ACTN2: variants seen among roughly 807,000 people sequenced by gnomAD.
ACTN2 encodes the protein actinin alpha 2.
In ACTN2, 39 loss-of-function variants were observed where a neutral mutation model predicts 113.8. That is an observed-to-expected ratio of 0.34 (90% CI 0.27 to 0.45). ACTN2 has a LOEUF of 0.45. ACTN2 is among the 20% of genes least tolerant of loss of function. The probability of loss-of-function intolerance (pLI) is 1.00; values close to 1 mark genes in which losing one functional copy is unlikely to be tolerated. For synonymous variants in ACTN2, 429 were observed against 444.1 expected (o/e 0.97, Z 0.43); for missense variants, 992 against 1,177.9 (o/e 0.84, Z 2.31).
intron 1 of ACTN2, among the ~76,000 whole-genome samples, chr1:236,690,961 G>A (rs1192918031): frequency 6.9e-6 from 1 of 144,060 alleles, no homozygotes; most frequent in Admixed American, 7.0e-5. Flanking sequence ...TTTTTGAGAC[G>A]GAGTCTTGCT....
At chr1:236,719,088 C>T in intron 3 of ACTN2, 75 bp downstream of exon 3, 1 of 1,592,978 alleles carries the variant, frequency 6.3e-7, no homozygotes. Context: ...CTTGAATTCT[C>T]CCCTTCTTCC....
chr1:236,722,359 G>A (rs1055659387), intron 4 of ACTN2, among the ~76,000 whole-genome samples: 14 of 152,062 alleles, frequency 9.2e-5, no homozygotes, highest in African/African-American at 2.2e-4. Context: ...AGATTAGGCC[G>A]GGCGCGGTGG....
In ACTN2 at chr1:236,757,548, G is replaced by A; in HGVS notation, c.2217G>A (p.Glu739=). Residue 739 remains glutamate (E), a synonymous_variant, in exon 18 of 21, where the codon GAG becomes GAA. Coordinates refer to ENST00000366578, the MANE Select transcript of ACTN2 (RefSeq NM_001103.4). The stretch of plus-strand genomic sequence containing the variant: ...TCGCCAGAACCATCAATGAGGTGGA[G>A]ACTCAGATCCTGACGAGAGATGCGA... ...TTIARTINEV[E]TQILTRDAKG... 6.2e-7 allele frequency: 1 copy of A among 1,614,194 alleles called. No individual in the cohort carries two copies. The highest frequency in any genetic ancestry group is 8.5e-7 in the Non-Finnish European group (1 of 1,180,032).
At chr1:236,718,211 A>G (rs1459388115) in intron 2 of ACTN2, among the ~76,000 whole-genome samples, 1 of 152,238 alleles carries the variant, frequency 6.6e-6, no homozygotes, top group Non-Finnish European at 1.5e-5. Flanking sequence ...CAAGCTTGAA[A>G]CAAAATAAGA....
intron 18 of ACTN2, 115 bp from the exon 19 acceptor site, chr1:236,759,609 A>T (rs1558251299): frequency 2.4e-6 from 2 of 848,332 alleles, no homozygotes; most frequent in Non-Finnish European, 4.1e-6. Flanking sequence ...GGTGACATTT[A>T]CGACCTTGGC....
rs1464357964 is a variant in ACTN2, at chr1:236,689,329, A to G, written c.126+2530A>G. Among the ~76,000 whole-genome samples the G allele has an allele frequency of 1.8e-3, 63 of 34,342 alleles. 1 individual carries two copies. Among genetic ancestry groups the G allele is most frequent in the Middle Eastern group, 0.034 (2 of 58 alleles). The allele number at this position is 34,342 out of a possible 152,430, so 22.5% of individuals were successfully genotyped here. The stretch of plus-strand genomic sequence containing the variant: ...TATATATATATATATATATATATAT[A>G]TATATATATACACACACATATGTAT... On this transcript the variant is annotated intron_variant, in intron 1 of 20. Coordinates refer to ENST00000366578, the MANE Select transcript of ACTN2 (RefSeq NM_001103.4).
chr1:236,702,960 GA>G (rs1030991461), intron 1 of ACTN2, among the ~76,000 whole-genome samples: 1 of 152,178 alleles, frequency 6.6e-6, no homozygotes, highest in Non-Finnish European at 1.5e-5. Flanking sequence ...TTAAATTAAA[GA>G]ATATTTATTT....
chr1:236,690,525 G>A (rs1666043170), intron 1 of ACTN2, among the ~76,000 whole-genome samples: 1 of 152,190 alleles, frequency 6.6e-6, no homozygotes, highest in Admixed American at 6.5e-5. Context: ...AGAAAATGAA[G>A]ATAAATACCT....
chr1:236,711,445 G>GGTTCAAGCGATTCTTGCCTCAGTCTCCT (rs1429267054), intron 1 of ACTN2, among the ~76,000 whole-genome samples: 1 of 152,160 alleles, frequency 6.6e-6, no homozygotes, highest in Non-Finnish European at 1.5e-5. Context: ...CTGCCTCCTG[G>GGTTCAAGCGATTCTTGCCTCAGTCTCCT]GTTCAAGCGA....
At chr1:236,736,655 A>C (rs1157214045) in intron 8 of ACTN2, 2 of 1,529,126 alleles carry the variant, frequency 1.3e-6, no homozygotes, top group Non-Finnish European at 1.8e-6. Context: ...TCTTCAGTGA[A>C]TTCAAGTGCA....
intron 8 of ACTN2, chr1:236,736,484 C>A: frequency 1.1e-6 from 1 of 950,622 alleles, no homozygotes. Flanking sequence ...AGGCGCTTTG[C>A]CACTCCTGCC....
At chr1:236,687,060 G>A (rs1342998343) in intron 1 of ACTN2, among the ~76,000 whole-genome samples, 16 of 152,102 alleles carry the variant, frequency 1.1e-4, no homozygotes, top group Admixed American at 1.0e-3. Context: ...ACACCAACCC[G>A]CGTTAGACCA....
chr1:236,688,929 G>A (rs1387141518), intron 1 of ACTN2, among the ~76,000 whole-genome samples: 2 of 152,168 alleles, frequency 1.3e-5, no homozygotes, highest in African/African-American at 2.4e-5. Flanking sequence ...GTCAACAGAT[G>A]CTGGTAGCAC....
chr1:236,718,003 C>G (rs369432952), intron 2 of ACTN2, 31 bp downstream of exon 2: 5 of 1,513,196 alleles, frequency 3.3e-6, no homozygotes, highest in Non-Finnish European at 4.6e-6. Context: ...CCTATGCTTT[C>G]ATGTGTTATC....
intron 15 of ACTN2, among the ~76,000 whole-genome samples, chr1:236,752,505 G>T (rs1358548539): frequency 6.7e-6 from 1 of 149,628 alleles, no homozygotes; most frequent in Non-Finnish European, 1.5e-5. Flanking sequence ...TTTCTTGCGG[G>T]GGTGGGGGCG....
intron 7 of ACTN2, chr1:236,734,411 TA>T: frequency 6.6e-7 from 1 of 1,512,856 alleles, no homozygotes; most frequent in South Asian, 1.2e-5. Flanking sequence ...TCCACGCGGT[TA>T]ACCTTCTTTT....
At chr1:236,749,526 G>A (rs542311853) in intron 14 of ACTN2, among the ~76,000 whole-genome samples, 2 of 152,336 alleles carry the variant, frequency 1.3e-5, no homozygotes, top group East Asian at 3.9e-4. Context: ...GCTGGGCGCA[G>A]TGGTTCATGC....
intron 20 of ACTN2, among the ~76,000 whole-genome samples, chr1:236,762,181 C>G (rs559338502): frequency 7.2e-5 from 11 of 152,064 alleles, no homozygotes; most frequent in African/African-American, 9.6e-5. Context: ...GATCATAGTA[C>G]GTATCCTCGC....
chr1:236,717,564 T>C (rs923979817), intron 1 of ACTN2, among the ~76,000 whole-genome samples: 2 of 152,118 alleles, frequency 1.3e-5, no homozygotes, highest in African/African-American at 4.8e-5. Flanking sequence ...AGTAAAAGGG[T>C]TTCAAAAGGT....
Sources: gnomAD v4.1 joint callset for allele counts (sites outside exome capture counted in the v4.1 genomes callset) on GRCh38, gnomAD v4.1.1 for gene constraint, MANE v1.5 for transcripts, NCBI Gene and HGNC (gene_info 2026-07-23, HGNC 2026-07-21) for gene names.